The following CDH13 variants were observed in gnomAD, a reference collection of about 807,000 sequenced individuals.
CDH13 encodes cadherin 13.
Under a neutral mutation model 63.8 loss-of-function variants are expected in CDH13, and 24 were observed. That is an observed-to-expected ratio of 0.38 (90% CI 0.27 to 0.53). The LOEUF (loss-of-function observed/expected upper bound fraction) is 0.53. Ranked by LOEUF, CDH13 falls within the 20% of genes least tolerant of loss-of-function variation. The pLI, the probability that CDH13 is intolerant of heterozygous loss-of-function variation, is 0.85. For synonymous variants in CDH13, 503 were observed against 355.3 expected, an observed-to-expected ratio of 1.42 and a Z score of -4.67; for missense variants, 1,049 against 903.1, an observed-to-expected ratio of 1.16 and a Z score of -2.07.
intron 1 of CDH13, among the ~76,000 whole-genome samples, chr16:82,681,944 C>G (rs1425772119): frequency 6.6e-6 from 1 of 152,260 alleles, no homozygotes; most frequent in Non-Finnish European, 1.5e-5. Context: ...GCTTAGTGCA[C>G]TTGACTGTGC....
chr16:83,436,902 C>T (rs748681999), intron 6 of CDH13, among the ~76,000 whole-genome samples: 59 of 152,098 alleles, frequency 3.9e-4, no homozygotes, highest in Non-Finnish European at 7.8e-4. Flanking sequence ...AAAATAGTTA[C>T]CTGTAAAACT....
chr16:83,658,769 C>T (rs62045342), intron 8 of CDH13, among the ~76,000 whole-genome samples: 127 of 108,530 alleles, frequency 1.2e-3, no homozygotes, highest in African/African-American at 4.7e-3. Flanking sequence ...GGTCCCATAT[C>T]CTCACCAGCA....
intron 7 of CDH13, among the ~76,000 whole-genome samples, chr16:83,580,281 G>T (rs1179782042): frequency 1.3e-5 from 2 of 152,042 alleles, no homozygotes; most frequent in African/African-American, 2.4e-5. Context: ...TATTTTTTGT[G>T]GCCTGACTTA....
At chr16:83,020,920 A>T (rs1196174314) in intron 2 of CDH13, among the ~76,000 whole-genome samples, 1 of 152,214 alleles carries the variant, frequency 6.6e-6, no homozygotes, top group Non-Finnish European at 1.5e-5. Flanking sequence ...TGCAAGGCCA[A>T]ACACCCTGAA....
chr16:83,194,264 C>T (rs1396883991), intron 4 of CDH13, among the ~76,000 whole-genome samples: 1 of 152,188 alleles, frequency 6.6e-6, no homozygotes, highest in African/African-American at 2.4e-5. Flanking sequence ...TGGCCTGGGT[C>T]CTCAGAATGA....
intron 4 of CDH13, among the ~76,000 whole-genome samples, chr16:83,142,245 C>T (rs1406384704): frequency 2.7e-5 from 4 of 150,352 alleles, no homozygotes; most frequent in African/African-American, 7.3e-5. Flanking sequence ...ACCACAGCCT[C>T]CGCCTTCTGG....
In CDH13 at chr16:83,796,868, T is replaced by C. The variant is rs761331316; in HGVS notation, c.*1838T>C. 1 of 152,240 alleles carries C rather than the reference T, an allele frequency of 6.6e-6. No homozygotes were observed. Among genetic ancestry groups the C allele is most frequent in the Non-Finnish European group, 1.5e-5 (1 of 68,040 alleles). 9.4% of individuals were successfully genotyped at this position (152,240 alleles called of 1,614,324 possible). ...GATGAGACGGACCATTCTCAGTTGA[T>C]GACCACATTAAGCATAGTCATGGCC... On this transcript the variant is annotated 3_prime_UTR_variant, in exon 14 of 14. Coordinates refer to ENST00000567109, the MANE Select transcript of CDH13 (RefSeq NM_001257.5).
chr16:83,107,020 A>G lies in CDH13; in HGVS notation c.367-18365A>G, dbSNP rs375491357. Among the ~76,000 whole-genome samples, 27 of 152,318 alleles carry G rather than the reference A, an allele frequency of 1.8e-4. No individual in the cohort carries two copies. The South Asian group carries it at 5.6e-3, about 32-fold the overall frequency. On this transcript the variant is annotated intron_variant, in intron 3 of 13. Transcript: ENST00000567109. ...ACACTCAAGTGCATGCACACCCCAC[A>G]CACAGACAGACAGACACACACACAC...
At chr16:83,261,689 TTTTC>T (rs925922049) in intron 5 of CDH13, among the ~76,000 whole-genome samples, 1 of 146,458 alleles carries the variant, frequency 6.8e-6, no homozygotes, top group African/African-American at 2.5e-5. Context: ...ATAGTGACGG[TTTTC>T]TTTATTTTCC....
intron 1 of CDH13, among the ~76,000 whole-genome samples, chr16:82,842,352 C>A (rs949530468): frequency 5.1e-4 from 77 of 151,626 alleles, no homozygotes; most frequent in Admixed American, 2.2e-3. Flanking sequence ...AGTTCAAGGA[C>A]TACAAATGAT....
At chr16:82,715,652 G>A (rs753420872) in intron 1 of CDH13, among the ~76,000 whole-genome samples, 13 of 152,112 alleles carry the variant, frequency 8.5e-5, no homozygotes, top group Non-Finnish European at 1.5e-4. Context: ...CACCGTCTGT[G>A]CCCTGTCAAG....
chr16:83,039,477 C>T (rs1474028640), intron 3 of CDH13, among the ~76,000 whole-genome samples: 1 of 152,160 alleles, frequency 6.6e-6, no homozygotes, highest in Non-Finnish European at 1.5e-5. Flanking sequence ...TCACTCTTGG[C>T]ATCAGTGCTT....
At chr16:83,488,182 G>T (rs1457723507) in intron 7 of CDH13, among the ~76,000 whole-genome samples, 1 of 152,186 alleles carries the variant, frequency 6.6e-6, no homozygotes, top group Non-Finnish European at 1.5e-5. Context: ...AGTCATATGT[G>T]GTTGGTGGCT....
At chr16:82,738,324 C>A (rs774608259) in intron 1 of CDH13, among the ~76,000 whole-genome samples, 1 of 152,180 alleles carries the variant, frequency 6.6e-6, no homozygotes, top group Non-Finnish European at 1.5e-5. Context: ...TTACCGTGCA[C>A]GGAGGACTTT....
At chr16:83,076,370 T>A (rs548264464) in intron 3 of CDH13, among the ~76,000 whole-genome samples, 4 of 152,172 alleles carry the variant, frequency 2.6e-5, no homozygotes, top group Non-Finnish European at 5.9e-5. Context: ...CATTCAGAGC[T>A]TGTTGCTGGG....
intron 1 of CDH13, among the ~76,000 whole-genome samples, chr16:82,846,716 T>C (rs767847102): frequency 5.3e-5 from 8 of 152,330 alleles, no homozygotes; most frequent in Non-Finnish European, 1.0e-4. Context: ...TAATAAGTTT[T>C]TTAAGGGTTT....
chr16:83,680,370 GAGA>G (rs745319747), intron 10 of CDH13, among the ~76,000 whole-genome samples: 19 of 152,296 alleles, frequency 1.2e-4, no homozygotes, highest in Non-Finnish European at 1.9e-4. Context: ...GCCGCTGACT[GAGA>G]AGGAGGGATG....
At chr16:82,783,285 A>G (rs2070650659) in intron 1 of CDH13, among the ~76,000 whole-genome samples, 1 of 152,238 alleles carries the variant, frequency 6.6e-6, no homozygotes, top group Admixed American at 6.5e-5. Flanking sequence ...CCATAGCCCA[A>G]GCAAGGCTAG....
intron 1 of CDH13, among the ~76,000 whole-genome samples, chr16:82,665,155 C>T (rs1912437965): frequency 6.6e-6 from 1 of 152,206 alleles, no homozygotes; most frequent in Non-Finnish European, 1.5e-5. Flanking sequence ...ATATCCTTTT[C>T]ATGAACCATT....
Sources: allele counts gnomAD v4.1 joint callset (sites outside exome capture counted in the v4.1 genomes callset), GRCh38; gene constraint gnomAD v4.1.1; transcripts MANE v1.5; gene names NCBI Gene and HGNC (gene_info 2026-07-23, HGNC 2026-07-21).